The following METTL2B variants were observed in gnomAD, a reference collection of about 807,000 sequenced individuals.
The protein encoded by METTL2B is tRNA N(3)-cytidine methyltransferase METTL2B.
A neutral mutation model predicts 51.0 loss-of-function variants in METTL2B; 28 were observed. The ratio of observed to expected loss-of-function variants is 0.55; its 90% CI spans 0.41 to 0.75. The LOEUF (loss-of-function observed/expected upper bound fraction) is 0.75. Ranked by LOEUF, METTL2B falls within the 30% of genes least tolerant of loss-of-function variation. The pLI, the probability that METTL2B is intolerant of heterozygous loss-of-function variation, is 0.00. For synonymous variants in METTL2B, 128 were observed against 166.3 expected (o/e 0.77, Z 1.77); for missense variants, 313 against 460.7 (o/e 0.68, Z 2.93).
rs751772299 is a variant in METTL2B at position 128,500,913 on chromosome 7, A to G, written c.927A>G (p.Leu309=). The G allele has an allele frequency of 1.9e-6, 3 of 1,614,038 alleles. No individual in the cohort carries two copies. The highest frequency in any genetic ancestry group is 1.1e-5 in the South Asian group (1 of 91,080). ...TACATCACTCTGCAGGTCAGTGTCTATCTGGAAATTTCTATGTGAGAGGTG... is the reference window on the plus strand; with the variant it reads ...TACATCACTCTGCAGGTCAGTGTCTGTCTGGAAATTTCTATGTGAGAGGTG... The part of the protein sequence containing the change: ...AQLRFKKGQC[L]SGNFYVRGDG... The change falls in exon 8 of 9, where the codon CTA becomes CTG. Residue 309 remains leucine (L), a synonymous_variant. Transcript: ENST00000262432.
At chr7:128,484,232 T>TTTTTTTTTTGTTTTTTTTTTGTTG (rs1554428850) in intron 4 of METTL2B, 3 of 83,572 alleles carry the variant, frequency 3.6e-5, no homozygotes, top group African/African-American at 1.5e-4. Context: ...TTTTTTTTTT[T>TTTTTTTTTTGTTTTTTTTTTGTTG]TTTTTTTTTT....
chr7:128,476,809 A>C lies in METTL2B; in HGVS notation c.44A>C (p.Asp15Ala), dbSNP rs888039767. Reference protein sequence around the residue: ...YPEGAPAILADKRQQFGSRFL... With the variant: ...YPEGAPAILAAKRQQFGSRFL... ...GAAGGTGCACCTGCAATCCTCGCCG[A>C]TAAGAGGCAGCAGTTCGGAAGCCGG... The change falls in exon 1 of 9, where the codon GAT becomes GCT. Residue 15 changes from aspartate (D) to alanine (A), a missense_variant. This residue lies in a region of METTL2B where 66 missense variants were observed against 58.2 expected (regional missense o/e 1.13). Transcript: ENST00000262432. The C allele has an allele frequency of 6.2e-7, 1 of 1,614,028 alleles. No homozygotes were observed. The highest frequency in any genetic ancestry group is 2.2e-5 in the East Asian group (1 of 44,900).
At chr7:128,482,595 G>A (rs1209583458) in intron 4 of METTL2B, among the ~76,000 whole-genome samples, 4 of 152,032 alleles carry the variant, frequency 2.6e-5, no homozygotes, top group African/African-American at 9.7e-5. Context: ...GTGCAGTGGC[G>A]TAATCTTGGC....
chr7:128,501,210 C>T, intron 8 of METTL2B: 6 of 985,474 alleles, frequency 6.1e-6, no homozygotes, highest in Non-Finnish European at 4.8e-6. Flanking sequence ...CTGTCTGCCA[C>T]TGTCCAAAAT....
At position 128,504,380 on chromosome 7, in the gene METTL2B, TTCGCTC is replaced by T; in HGVS notation, c.*2466_*2471del. The T allele has an allele frequency of 7.4e-6, 1 of 135,358 alleles. No individual in the cohort carries two copies. Among genetic ancestry groups the T allele is most frequent in the Non-Finnish European group, 1.6e-5 (1 of 63,966 alleles). The allele number at this position is 135,358 out of a possible 1,614,324, so 8.4% of individuals were successfully genotyped here. A position where few individuals can be genotyped will look rare whatever the true frequency, so the allele number is the denominator to read the frequency against. On this transcript the variant is annotated 3_prime_UTR_variant, in exon 9 of 9. Transcript: ENST00000262432. ...TTTTTTTTTTTTTTTGAGATGGAGT[TTCGCTC>T]TTGTTGCCCAGGCTGGAGTACAATG...
chr7:128,477,454 G>C (rs921601717), intron 2 of METTL2B, among the ~76,000 whole-genome samples: 2 of 152,096 alleles, frequency 1.3e-5, no homozygotes, highest in African/African-American at 4.8e-5. Flanking sequence ...GATATGGCTA[G>C]CCAATGACAA....
chr7:128,487,269 T>C (rs982019419), intron 4 of METTL2B, among the ~76,000 whole-genome samples: 6 of 152,164 alleles, frequency 3.9e-5, no homozygotes, highest in Non-Finnish European at 7.3e-5. Context: ...AGGTATTGCA[T>C]ACTCCCAAAA....
chr7:128,480,164 T>C (rs1799855778), intron 3 of METTL2B, among the ~76,000 whole-genome samples: 1 of 152,222 alleles, frequency 6.6e-6, no homozygotes, highest in Non-Finnish European at 1.5e-5. Flanking sequence ...CTTATGAGGA[T>C]GGAGATAATG....
At chr7:128,484,441 G>T (rs1419994927) in intron 4 of METTL2B, among the ~76,000 whole-genome samples, 7 of 151,166 alleles carry the variant, frequency 4.6e-5, no homozygotes, top group Admixed American at 2.6e-4. Flanking sequence ...CCAGGCCAGG[G>T]TTCTTAATAT....
At chr7:128,495,361 T>A (rs992036915) in intron 6 of METTL2B, among the ~76,000 whole-genome samples, 4 of 152,248 alleles carry the variant, frequency 2.6e-5, no homozygotes, top group Non-Finnish European at 5.9e-5. Flanking sequence ...AGATTCTGAT[T>A]AAAGGAAAGT....
At chr7:128,484,617 G>T (rs1410701964) in intron 4 of METTL2B, among the ~76,000 whole-genome samples, 1 of 151,986 alleles carries the variant, frequency 6.6e-6, no homozygotes, top group Non-Finnish European at 1.5e-5. Context: ...TTTTGAGGTG[G>T]CATCTTGCCC....
In METTL2B at chr7:128,500,184, G is replaced by A. The variant is rs191224766; in HGVS notation, c.917-719G>A. Among the ~76,000 whole-genome samples, 957 of 152,304 alleles carry A rather than the reference G, an allele frequency of 6.3e-3. 4 individuals are homozygous for A. The highest frequency in any genetic ancestry group is 0.01 in the Non-Finnish European group (705 of 68,030). On this transcript the variant is annotated intron_variant, in intron 7 of 8. Transcript: ENST00000262432. Reference sequence around the variant, plus strand: ...GGTCAGGGAGGTTAGCAGCAGAAGGGAAAGCATGTTCATGATCAAAACAGT... The same window carrying A: ...GGTCAGGGAGGTTAGCAGCAGAAGGAAAAGCATGTTCATGATCAAAACAGT...
chr7:128,492,409 C>T (rs1443598533), intron 5 of METTL2B, among the ~76,000 whole-genome samples: 1 of 151,688 alleles, frequency 6.6e-6, no homozygotes, highest in East Asian at 1.9e-4. Context: ...CCGCCCACCT[C>T]GACCTCCCAA....
chr7:128,489,907 C>T (rs563395575), intron 5 of METTL2B, among the ~76,000 whole-genome samples: 24 of 152,150 alleles, frequency 1.6e-4, no homozygotes, highest in South Asian at 6.2e-4. Flanking sequence ...GGATTACAGG[C>T]GTGAGCCACC....
Position 128,505,752 on chromosome 7 carries a change from G to A in METTL2B, c.*3836G>A, listed in dbSNP as rs1279729933. On this transcript the variant is annotated 3_prime_UTR_variant, in exon 9 of 9. Coordinates refer to ENST00000262432, the MANE Select transcript of METTL2B (RefSeq NM_018396.3). ...CCATTCCTTCTACACTGATTGGTTG[G>A]TATTTTGTACAGAAAAGCTTTCTCA... 24 of 152,086 alleles carry A rather than the reference G, an allele frequency of 1.6e-4. No homozygotes were observed. Among genetic ancestry groups the A allele is most frequent in the Admixed American group, 1.6e-3 (24 of 15,242 alleles). The allele number at this position is 152,086 out of a possible 1,614,324, so 9.4% of individuals were successfully genotyped here.
At chr7:128,491,170 A>AAG (rs1341160399) in intron 5 of METTL2B, among the ~76,000 whole-genome samples, 230 of 150,502 alleles carry the variant, frequency 1.5e-3, no homozygotes, top group African/African-American at 5.5e-3. Context: ...AAAAAAAAAA[A>AAG]AAATGTGTCT....
intron 2 of METTL2B, chr7:128,477,988 C>T (rs1327782035): frequency 4.5e-6 from 2 of 444,598 alleles, no homozygotes; most frequent in Non-Finnish European, 9.2e-6. Context: ...GTGCTTTTCC[C>T]AGAGGTAAGC....
intron 6 of METTL2B, among the ~76,000 whole-genome samples, chr7:128,495,393 C>G (rs763615306): frequency 2.0e-5 from 3 of 152,166 alleles, no homozygotes; most frequent in African/African-American, 7.2e-5. Context: ...TCCTAAAATA[C>G]ACCATTAAAA....
intron 4 of METTL2B, among the ~76,000 whole-genome samples, chr7:128,486,111 T>A (rs1792701943): frequency 6.6e-6 from 1 of 152,006 alleles, no homozygotes; most frequent in African/African-American, 2.4e-5. Context: ...CTGGCCAACA[T>A]GGCGAAACCC....
Sources: gnomAD v4.1 joint callset for allele counts (sites outside exome capture counted in the v4.1 genomes callset) on GRCh38, gnomAD v4.1.1 for gene constraint, gnomAD v4.1.1 regional missense constraint, MANE v1.5 for transcripts, NCBI Gene and HGNC (gene_info 2026-07-23, HGNC 2026-07-21) for gene names.